YWHAE: variants seen among roughly 807,000 people sequenced by gnomAD.
YWHAE encodes the protein tyrosine 3-monooxygenase/tryptophan 5-monooxygenase activation protein epsilon, also known as 14-3-3 protein epsilon.
In YWHAE, 4 loss-of-function variants were observed where a neutral mutation model predicts 30.1. The ratio of observed to expected loss-of-function variants is 0.13; its 90% CI spans 0.07 to 0.30. The LOEUF (loss-of-function observed/expected upper bound fraction) is 0.30. YWHAE is among the 10% of genes least tolerant of loss of function. The pLI is 1.00. For synonymous variants in YWHAE, 118 were observed against 111.8 expected (o/e 1.06, Z -0.35); for missense variants, 121 against 315.9 (o/e 0.38, Z 4.68).
chr17:1,348,106 A>G, intron 5 of YWHAE: 1 of 535,134 alleles, frequency 1.9e-6, no homozygotes, highest in Non-Finnish European at 2.4e-6. Context: ...ACAATGATAC[A>G]GGAGCCGGAC....
intron 5 of YWHAE, among the ~76,000 whole-genome samples, chr17:1,349,635 A>C (rs2072588003): frequency 6.7e-6 from 1 of 150,166 alleles, no homozygotes. Flanking sequence ...TTTTTTTGAG[A>C]CGGAGTCTTG....
At chr17:1,387,949 G>A (rs150833666) in intron 1 of YWHAE, among the ~76,000 whole-genome samples, 328 of 91,028 alleles carry the variant, frequency 3.6e-3, no homozygotes, top group African/African-American at 0.016. Context: ...TTTTTTTGAC[G>A]GAGTCTCACT....
intron 1 of YWHAE, among the ~76,000 whole-genome samples, chr17:1,396,390 A>G (rs1275650300): frequency 1.3e-5 from 2 of 151,766 alleles, no homozygotes; most frequent in Non-Finnish European, 2.9e-5. Flanking sequence ...TGCCACTTCA[A>G]TAAAGCCTGG....
intron 4 of YWHAE, among the ~76,000 whole-genome samples, chr17:1,355,813 CAG>C (rs1180415937): frequency 6.6e-6 from 1 of 152,000 alleles, no homozygotes; most frequent in Non-Finnish European, 1.5e-5. Context: ...TGCGTGCGCG[CAG>C]ATCACTTGAG....
rs200675311 is a variant in YWHAE at position 1,345,415 on chromosome 17, G to A, written c.*32C>T. ...AGGGTGGGATGGGGAGGAGGGGGTG[G>A]TCAGAGATGGTTTCTCTTGTTGGCT... On this transcript the variant is annotated 3_prime_UTR_variant, in exon 6 of 6. Transcript: ENST00000264335. 2 of 1,612,330 alleles carry A rather than the reference G, an allele frequency of 1.2e-6. No homozygotes were observed. Among genetic ancestry groups the A allele is most frequent in the African/African-American group, 2.7e-5 (2 of 74,960 alleles).
rs1324107400 is a variant in YWHAE at position 1,345,477 on chromosome 17, C to T, written c.738G>A (p.Ala246=). 4.1e-5 allele frequency: 66 copies of T among 1,613,516 alleles called. No homozygotes were observed. The highest frequency in any genetic ancestry group is 1.6e-4 in the Middle Eastern group (1 of 6,078). ...GATTTTCGTCTTCCACGTCCTGCAG[C>T]GCTTCTTTATTCTGCTCTTCACCTG... ...QGDGEEQNKE[A]LQDVEDENQ Residue 246 remains alanine, a synonymous_variant, in exon 6 of 6, where the codon GCG becomes GCA. Transcript: ENST00000264335.
chr17:1,353,570 C>A (rs1261805482), intron 5 of YWHAE, among the ~76,000 whole-genome samples: 2 of 152,042 alleles, frequency 1.3e-5, no homozygotes, highest in Admixed American at 6.6e-5. Flanking sequence ...CAAGACCAGC[C>A]TGACCAACAT....
intron 1 of YWHAE, among the ~76,000 whole-genome samples, chr17:1,398,278 T>C (rs972741225): frequency 6.6e-6 from 1 of 152,132 alleles, no homozygotes; most frequent in Admixed American, 6.6e-5. Flanking sequence ...ATCTCTTTGA[T>C]TTTTAAACAC....
chr17:1,346,064 C>T (rs575533803), intron 5 of YWHAE, among the ~76,000 whole-genome samples: 2 of 140,308 alleles, frequency 1.4e-5, no homozygotes, highest in East Asian at 3.9e-4. Context: ...GATTTTACTT[C>T]AGAGTGAAAC....
At chr17:1,381,910 C>CAAAAAAAAA (rs397754278) in intron 1 of YWHAE, among the ~76,000 whole-genome samples, 1 of 43,916 alleles carries the variant, frequency 2.3e-5, no homozygotes, top group African/African-American at 7.0e-5. Flanking sequence ...GACACTATGT[C>CAAAAAAAAA]AAAAAAAAAA....
intron 4 of YWHAE, 32 bp from the exon 5 acceptor site, chr17:1,354,379 A>C: frequency 6.2e-7 from 1 of 1,600,760 alleles, no homozygotes; most frequent in Non-Finnish European, 8.5e-7. Context: ...TGTTATAAAA[A>C]TTAAGTCCAA....
intron 1 of YWHAE, among the ~76,000 whole-genome samples, chr17:1,392,139 T>C (rs1045768677): frequency 6.6e-6 from 1 of 151,846 alleles, no homozygotes; most frequent in Admixed American, 6.6e-5. Context: ...GAGCCATAAA[T>C]GTGACACTGC....
intron 5 of YWHAE, chr17:1,352,345 A>G (rs895986021): frequency 1.3e-5 from 2 of 152,106 alleles, no homozygotes; most frequent in Non-Finnish European, 1.5e-5. Flanking sequence ...CCATAACCCA[A>G]AAGTCACAAA....
At chr17:1,366,173 GC>G (rs1478052542) in intron 1 of YWHAE, among the ~76,000 whole-genome samples, 1 of 149,956 alleles carries the variant, frequency 6.7e-6, no homozygotes, top group Non-Finnish European at 1.5e-5. Context: ...CCAAGATCAT[GC>G]CGCTGCACTC....
chr17:1,390,746 C>T (rs1407423017), intron 1 of YWHAE, among the ~76,000 whole-genome samples: 1 of 152,166 alleles, frequency 6.6e-6, no homozygotes, highest in Non-Finnish European at 1.5e-5. Context: ...AAGAGTTAAA[C>T]ACATTTCATA....
intron 1 of YWHAE, among the ~76,000 whole-genome samples, chr17:1,378,986 G>C (rs1278884619): frequency 6.6e-6 from 1 of 151,100 alleles, no homozygotes; most frequent in African/African-American, 2.4e-5. Context: ...TGATCCCCAA[G>C]AAAGTTACAA....
At chr17:1,395,138 A>C (rs1407348528) in intron 1 of YWHAE, among the ~76,000 whole-genome samples, 1 of 150,086 alleles carries the variant, frequency 6.7e-6, no homozygotes, top group African/African-American at 2.4e-5. Flanking sequence ...CACGCCTGTA[A>C]TTCCAACACT....
At chr17:1,360,049 G>C (rs1388349223) in intron 4 of YWHAE, among the ~76,000 whole-genome samples, 1 of 152,036 alleles carries the variant, frequency 6.6e-6, no homozygotes, top group East Asian at 1.9e-4. Flanking sequence ...CGCAACCTCT[G>C]CCTCCTGGGT....
intron 1 of YWHAE, among the ~76,000 whole-genome samples, chr17:1,383,943 C>T (rs1054023155): frequency 1.3e-4 from 20 of 151,984 alleles, no homozygotes; most frequent in African/African-American, 4.6e-4. Flanking sequence ...CAGTGGCTCA[C>T]GCCTGTAATT....
Sources: allele counts gnomAD v4.1 joint callset (sites outside exome capture counted in the v4.1 genomes callset), GRCh38; gene constraint gnomAD v4.1.1; transcripts MANE v1.5; gene names NCBI Gene and HGNC (gene_info 2026-07-23, HGNC 2026-07-21).